The following SMARCA2 variants were observed in gnomAD, a reference collection of about 807,000 sequenced individuals.
SMARCA2 encodes SWI/SNF related BAF chromatin remodeling complex subunit ATPase 2.
Under a neutral mutation model 199.8 loss-of-function variants are expected in SMARCA2, and 61 were observed. The ratio of observed to expected loss-of-function variants is 0.31; its 90% CI spans 0.25 to 0.38. The LOEUF is 0.38. Ranked by LOEUF, SMARCA2 falls within the 10% of genes least tolerant of loss-of-function variation. The pLI is 1.00. For synonymous variants in SMARCA2, 935 were observed against 732.0 expected (o/e 1.28, Z -4.48); for missense variants, 1,344 against 2,012.2 (o/e 0.67, Z 6.35).
rs1826179994 is a variant in SMARCA2 at position 2,170,334 on chromosome 9, A to C, written c.4200-85A>C. ...TTGGTGAGGAGACTGAGGCTTGGCC[A>C]GGTCACCCAGCCTAGGAAGAAGGAG... On this transcript the variant is annotated intron_variant, in intron 28 of 33. Coordinates refer to ENST00000349721, the MANE Select transcript of SMARCA2 (RefSeq NM_003070.5). This position sits in a 1 kb window ranked among gnomAD's most constrained non-coding sequence, Gnocchi z 4.7. 15 of 1,579,432 alleles carry C rather than the reference A, an allele frequency of 9.5e-6. No individual in the cohort carries two copies. The highest frequency in any genetic ancestry group is 1.2e-5 in the Non-Finnish European group (14 of 1,157,976).
chr9:2,149,406 G>A (rs569850991), intron 27 of SMARCA2, among the ~76,000 whole-genome samples: 4 of 151,456 alleles, frequency 2.6e-5, no homozygotes, highest in South Asian at 4.2e-4. Flanking sequence ...CGTAATCCAA[G>A]CTACTCAGGA....
At chr9:2,063,707 T>G (rs1349725486) in intron 9 of SMARCA2, among the ~76,000 whole-genome samples, 1 of 150,210 alleles carries the variant, frequency 6.7e-6, no homozygotes, top group African/African-American at 2.5e-5. Context: ...TGAAAAAGAT[T>G]ACCTTTTATT....
In SMARCA2 at chr9:2,076,968, G is replaced by A. The variant is rs529117459; in HGVS notation, c.2036+639G>A. Reference sequence around the variant, plus strand: ...AAAAGATGAGGTATTTTAAAAACCAGAAATAGACATCCTAATATTTCTCCC... The same window carrying A: ...AAAAGATGAGGTATTTTAAAAACCAAAAATAGACATCCTAATATTTCTCCC... On this transcript the variant is annotated intron_variant, in intron 13 of 33. Transcript: ENST00000349721. Among the ~76,000 whole-genome samples the A allele has an allele frequency of 2.0e-5, 3 of 152,236 alleles. No homozygotes were observed. The South Asian group carries it at 6.2e-4, about 32-fold the overall frequency.
chr9:2,111,380 T>C (rs1421011386), intron 24 of SMARCA2, among the ~76,000 whole-genome samples: 1 of 151,060 alleles, frequency 6.6e-6, no homozygotes, highest in African/African-American at 2.4e-5. Context: ...AGTCCCAAGT[T>C]CCTCAGCAGG....
chr9:2,053,423 G>T (rs1461832332), intron 5 of SMARCA2, among the ~76,000 whole-genome samples: 1 of 152,164 alleles, frequency 6.6e-6, no homozygotes, highest in Non-Finnish European at 1.5e-5. Context: ...TTTTATTGCA[G>T]TGGTTTTGGT....
chr9:2,180,311 T>A (rs1826934710), intron 29 of SMARCA2, among the ~76,000 whole-genome samples: 1 of 152,228 alleles, frequency 6.6e-6, no homozygotes, highest in African/African-American at 2.4e-5. Context: ...GATTTTCGGT[T>A]AATTTATGCA....
rs1822664440 is a variant in SMARCA2 at position 2,104,438 on chromosome 9, A to ATTTT, written c.3292+269_3292+270insTTTT. Among the ~76,000 whole-genome samples, 1 of 152,162 alleles carries ATTTT rather than the reference A, an allele frequency of 6.6e-6. No homozygotes were observed. The highest frequency in any genetic ancestry group is 1.5e-5 in the Non-Finnish European group (1 of 68,032). On this transcript the variant is annotated intron_variant, in intron 23 of 33. Coordinates refer to ENST00000349721, the MANE Select transcript of SMARCA2 (RefSeq NM_003070.5). The surrounding 1 kb of genome is among the most constrained non-coding windows in gnomAD (Gnocchi z 4.0). ...ACCTAAATAAAATAAAATTAAACTA[A>ATTTT]ATTAAAATTTTAAAATCTTCCTTGC...
chr9:2,174,948 A>AAAAAAAG (rs1226332323), intron 29 of SMARCA2, among the ~76,000 whole-genome samples: 6 of 117,292 alleles, frequency 5.1e-5, no homozygotes, highest in Non-Finnish European at 1.2e-4. Context: ...AAAAAAAAAA[A>AAAAAAAG]AAAAGGAAAT....
intron 8 of SMARCA2, among the ~76,000 whole-genome samples, chr9:2,059,937 T>G (rs1820511015): frequency 6.6e-6 from 1 of 152,072 alleles, no homozygotes; most frequent in African/African-American, 2.4e-5. Context: ...ACAAAGAGAT[T>G]TCTCTCAAAA....
At chr9:2,030,883 T>G (rs192318607) in intron 2 of SMARCA2, among the ~76,000 whole-genome samples, 103 of 152,296 alleles carry the variant, frequency 6.8e-4, no homozygotes, top group African/African-American at 2.3e-3. Flanking sequence ...AAAGGGAAGA[T>G]CCTTTTGTTA....
At chr9:2,097,653 G>C (rs1442011293) in intron 21 of SMARCA2, among the ~76,000 whole-genome samples, 182 bp downstream of exon 21, 1 of 152,148 alleles carries the variant, frequency 6.6e-6, no homozygotes, top group Non-Finnish European at 1.5e-5. Flanking sequence ...TTCTGGTTAT[G>C]GGTTCTCATT....
intron 28 of SMARCA2, among the ~76,000 whole-genome samples, chr9:2,163,846 C>G (rs1352244744): frequency 6.6e-6 from 1 of 152,146 alleles, no homozygotes; most frequent in South Asian, 2.1e-4. Context: ...AAAGAAGTCA[C>G]CAACAGGTGG....
chr9:2,096,896 T>C, intron 20 of SMARCA2, 132 bp downstream of exon 20: 1 of 658,654 alleles, frequency 1.5e-6, no homozygotes, highest in Non-Finnish European at 2.8e-6. Context: ...TCCTTTGAGC[T>C]ATTATAGCTG....
intron 3 of SMARCA2, 97 bp downstream of exon 3, chr9:2,033,178 A>G: frequency 1.4e-6 from 2 of 1,412,338 alleles, no homozygotes; most frequent in Non-Finnish European, 1.9e-6. Context: ...GAATGTGTCT[A>G]AGGAAGGTTG....
chr9:2,104,036 G>T lies in SMARCA2; in HGVS notation c.3159G>T (p.Glu1053Asp). 6.2e-7 allele frequency: 1 copy of T among 1,614,068 alleles called. No homozygotes were observed. Among genetic ancestry groups the T allele is most frequent in the Non-Finnish European group, 8.5e-7 (1 of 1,180,010 alleles). Residue 1053 changes from glutamate (E) to aspartate (D), a missense_variant, in exon 23 of 34, where the codon GAG becomes GAT. Glu to Asp is a conservative substitution (Grantham distance 45, BLOSUM62 2). This residue lies in a region of SMARCA2 where 98 missense variants were observed against 245.6 expected (regional missense o/e 0.40). Coordinates refer to ENST00000349721, the MANE Select transcript of SMARCA2 (RefSeq NM_003070.5). This position sits in a 1 kb window ranked among gnomAD's most constrained non-coding sequence, Gnocchi z 4.0. ...AELYRASGKF[E>D]LLDRILPKLR... ...TGTATCGGGCCTCAGGGAAGTTTGAGCTGCTTGATCGTATTCTGCCAAAAT... is the reference window on the plus strand; with the variant it reads ...TGTATCGGGCCTCAGGGAAGTTTGATCTGCTTGATCGTATTCTGCCAAAAT...
intron 28 of SMARCA2, among the ~76,000 whole-genome samples, chr9:2,166,529 C>T (rs140301739): frequency 6.6e-6 from 1 of 152,186 alleles, no homozygotes; most frequent in Non-Finnish European, 1.5e-5. Flanking sequence ...TGATTGTATT[C>T]TTATCCCTGT....
Position 2,110,572 on chromosome 9 carries a change from C to T in SMARCA2, c.3456+155C>T, listed in dbSNP as rs954389994. Among the ~76,000 whole-genome samples, 6 of 152,176 alleles carry T rather than the reference C, an allele frequency of 3.9e-5. No homozygotes were observed. Among genetic ancestry groups the T allele is most frequent in the African/African-American group, 9.7e-5 (4 of 41,426 alleles). On this transcript the variant is annotated intron_variant, in intron 24 of 33. Coordinates refer to ENST00000349721, the MANE Select transcript of SMARCA2 (RefSeq NM_003070.5). This position sits in a 1 kb window ranked among gnomAD's most constrained non-coding sequence, Gnocchi z 4.8. ...ATTCTTCTGGCTGTTTTCTTATCTCCCTTAGAGCATAGATACGAGGTCCCA... is the reference window on the plus strand; with the variant it reads ...ATTCTTCTGGCTGTTTTCTTATCTCTCTTAGAGCATAGATACGAGGTCCCA...
Position 2,056,938 on chromosome 9 carries a change from T to C in SMARCA2, c.1347+93T>C. On this transcript the variant is annotated intron_variant, in intron 7 of 33. Coordinates refer to ENST00000349721, the MANE Select transcript of SMARCA2 (RefSeq NM_003070.5). The surrounding 1 kb of genome is among the most constrained non-coding windows in gnomAD (Gnocchi z 4.0). Reference sequence around the variant, plus strand: ...GTCAGAATGACTGAAAAATGGACCCTTGTGGGTGGTGGGGACATCACAGAA... The same window carrying C: ...GTCAGAATGACTGAAAAATGGACCCCTGTGGGTGGTGGGGACATCACAGAA... 1 of 1,139,400 alleles carries C rather than the reference T, an allele frequency of 8.8e-7. No homozygotes were observed. Among genetic ancestry groups the C allele is most frequent in the Non-Finnish European group, 1.3e-6 (1 of 797,548 alleles). 70.6% of individuals were successfully genotyped at this position (1,139,400 alleles called of 1,614,324 possible). A position where few individuals can be genotyped will look rare whatever the true frequency, so the allele number is the denominator to read the frequency against.
chr9:2,129,512 A>T (rs76295639), intron 27 of SMARCA2, among the ~76,000 whole-genome samples: 2 of 152,314 alleles, frequency 1.3e-5, no homozygotes, highest in East Asian at 3.9e-4. Context: ...GTCAGCGTCC[A>T]TCAGTCCTCC....
Sources: gnomAD v4.1 joint callset for allele counts (sites outside exome capture counted in the v4.1 genomes callset) on GRCh38, gnomAD v4.1.1 for gene constraint, gnomAD v4.1.1 regional missense constraint, Gnocchi (gnomAD v3.1) non-coding constraint, MANE v1.5 for transcripts, NCBI Gene and HGNC (gene_info 2026-07-23, HGNC 2026-07-21) for gene names.